The following IL1R1 variants were observed in gnomAD, a reference collection of about 807,000 sequenced individuals.
The protein encoded by IL1R1 is interleukin-1 receptor type 1.
Under a neutral mutation model 50.2 loss-of-function variants are expected in IL1R1, and 22 were observed. That is an observed-to-expected ratio of 0.44 (90% CI 0.31 to 0.63). IL1R1 has a LOEUF of 0.63. Ranked by LOEUF, IL1R1 falls within the 20% of genes least tolerant of loss-of-function variation. The probability of loss-of-function intolerance (pLI) is 0.07; values close to 1 mark genes in which losing one functional copy is unlikely to be tolerated. For synonymous variants in IL1R1, 251 were observed against 236.7 expected (o/e 1.06, Z -0.55); for missense variants, 509 against 676.2 (o/e 0.75, Z 2.74).
At chr2:102,083,286 C>T (rs1227795691) in intron 1 of IL1R1, among the ~76,000 whole-genome samples, 2 of 152,172 alleles carry the variant, frequency 1.3e-5, no homozygotes, top group Non-Finnish European at 2.9e-5. Context: ...AGATGTAATT[C>T]TCCACACATC....
chr2:102,137,431 A>G (rs764865338), intron 1 of IL1R1, among the ~76,000 whole-genome samples: 6 of 152,336 alleles, frequency 3.9e-5, no homozygotes, highest in Middle Eastern at 3.4e-3. Flanking sequence ...TGACTGGCCT[A>G]ACATCCAAGA....
intron 6 of IL1R1, among the ~76,000 whole-genome samples, chr2:102,167,442 G>GTTTTTTT (rs3047461): frequency 2.9e-5 from 2 of 68,940 alleles, no homozygotes; most frequent in Non-Finnish European, 2.6e-5. Flanking sequence ...TAGGTTAAGT[G>GTTTTTTT]TTTTTTTTTT....
intron 3 of IL1R1, among the ~76,000 whole-genome samples, chr2:102,162,072 A>C (rs992259992): frequency 4.6e-5 from 7 of 152,186 alleles, no homozygotes; most frequent in Non-Finnish European, 8.8e-5. Flanking sequence ...CTTTGATAAT[A>C]ATAGTCACTC....
At chr2:102,097,665 A>G (rs1679963974) in intron 1 of IL1R1, among the ~76,000 whole-genome samples, 1 of 152,150 alleles carries the variant, frequency 6.6e-6, no homozygotes, top group African/African-American at 2.4e-5. Flanking sequence ...CAAGAAAAAC[A>G]TAATGTATCA....
chr2:102,162,979 T>C (rs1239409091), intron 3 of IL1R1, among the ~76,000 whole-genome samples: 1 of 152,150 alleles, frequency 6.6e-6, no homozygotes, highest in African/African-American at 2.4e-5. Context: ...TCTGAAAAAG[T>C]CAGTATTTTT....
At chr2:102,167,435 G>C (rs982543438) in intron 6 of IL1R1, among the ~76,000 whole-genome samples, 4 of 141,374 alleles carry the variant, frequency 2.8e-5, no homozygotes, top group African/African-American at 1.1e-4. Context: ...TTTAAGCTAG[G>C]TTAAGTGTTT....
At chr2:102,113,156 TG>T (rs912184384) in intron 1 of IL1R1, among the ~76,000 whole-genome samples, 1 of 152,262 alleles carries the variant, frequency 6.6e-6, no homozygotes, top group Non-Finnish European at 1.5e-5. Flanking sequence ...AATCAGCCTG[TG>T]ACAATGGTAT....
chr2:102,134,984 T>C (rs979243438), intron 1 of IL1R1, among the ~76,000 whole-genome samples: 1 of 152,186 alleles, frequency 6.6e-6, no homozygotes, highest in Non-Finnish European at 1.5e-5. Flanking sequence ...GGGATATTGC[T>C]AGGTTATTTA....
intron 1 of IL1R1, among the ~76,000 whole-genome samples, chr2:102,094,333 A>T (rs1022605262): frequency 2.0e-5 from 3 of 152,244 alleles, no homozygotes; most frequent in Non-Finnish European, 4.4e-5. Context: ...AATGCTATTT[A>T]GGCCCAATAG....
intron 1 of IL1R1, among the ~76,000 whole-genome samples, chr2:102,078,562 T>TCACACACACACACACACA (rs35407722): frequency 2.9e-5 from 3 of 104,114 alleles, no homozygotes; most frequent in African/African-American, 1.0e-4. Flanking sequence ...TCAAAAAACT[T>TCACACACACACACACACA]CACACACACA....
rs1681343472 is a variant in IL1R1, at chr2:102,120,421, T to A, written c.-84+15549T>A. ...GTGTGCATTGTGTGCACGTGCCAAG[T>A]ACCTGGCATGTATTTTACTAGGTGC... On this transcript the variant is annotated intron_variant, in intron 1 of 10. Coordinates refer to the IL1R1 transcript ENST00000409329. Among the ~76,000 whole-genome samples, 6 of 152,294 alleles carry A rather than the reference T, an allele frequency of 3.9e-5. No individual in the cohort carries two copies. The South Asian group carries it at 1.2e-3, about 32-fold the overall frequency.
intron 7 of IL1R1, among the ~76,000 whole-genome samples, chr2:102,169,473 G>A (rs1685486619): frequency 6.6e-6 from 1 of 152,202 alleles, no homozygotes; most frequent in Admixed American, 6.5e-5. Flanking sequence ...CTACTGTACA[G>A]ACAAGCACAA....
chr2:102,103,771 A>G (rs936090461), upstream of IL1R1, among the ~76,000 whole-genome samples: 1 of 152,006 alleles, frequency 6.6e-6, no homozygotes, highest in African/African-American at 2.4e-5. Flanking sequence ...AAGGGGGTGG[A>G]TCATCTGAGT....
chr2:102,179,530 T>C lies in IL1R1; in HGVS notation c.*2771T>C, dbSNP rs1686412514. 6.5e-6 allele frequency: 1 copy of C among 152,794 alleles called. No individual in the cohort carries two copies. The highest frequency in any genetic ancestry group is 2.1e-4 in the South Asian group (1 of 4,836). 9.5% of individuals were successfully genotyped at this position (152,794 alleles called of 1,614,324 possible). On this transcript the variant is annotated 3_prime_UTR_variant, in exon 12 of 12. Transcript: ENST00000410023. ...CATTAATTAGATTTTCTTGCAGTTT[T>C]TTTATGGCATTTTTTTAAAGATGCC...
upstream of IL1R1, among the ~76,000 whole-genome samples, chr2:102,139,000 G>T (rs1205962714): frequency 6.6e-6 from 1 of 152,122 alleles, no homozygotes; most frequent in Non-Finnish European, 1.5e-5. Context: ...TCTCTCTGGG[G>T]GTAGTAACAC....
At chr2:102,095,871 T>C (rs557042352) in intron 1 of IL1R1, among the ~76,000 whole-genome samples, 2 of 151,500 alleles carry the variant, frequency 1.3e-5, no homozygotes, top group East Asian at 1.9e-4. Flanking sequence ...GGTGTGGTGG[T>C]ACGTGCCTGT....
At chr2:102,113,104 A>G (rs778421553) in intron 1 of IL1R1, among the ~76,000 whole-genome samples, 3 of 152,236 alleles carry the variant, frequency 2.0e-5, no homozygotes, top group African/African-American at 4.8e-5. Flanking sequence ...CACCCAATCT[A>G]TGATAATTTG....
chr2:102,116,429 G>T (rs1047138524), intron 1 of IL1R1, among the ~76,000 whole-genome samples: 3 of 152,166 alleles, frequency 2.0e-5, no homozygotes, highest in African/African-American at 7.2e-5. Context: ...AAAATACAAA[G>T]ATAAAATTTA....
chr2:102,100,299 C>T (rs1577840925), upstream of IL1R1, among the ~76,000 whole-genome samples: 1 of 152,288 alleles, frequency 6.6e-6, no homozygotes, highest in African/African-American at 2.4e-5. Flanking sequence ...AGTGCCATGA[C>T]CATGTCCATG....
Sources: allele counts gnomAD v4.1 joint callset (sites outside exome capture counted in the v4.1 genomes callset), GRCh38; gene constraint gnomAD v4.1.1; transcripts MANE v1.5; gene names NCBI Gene and HGNC (gene_info 2026-07-23, HGNC 2026-07-21).